The following PTPRD variants were observed in gnomAD, a reference collection of about 807,000 sequenced individuals.
The protein encoded by PTPRD is protein tyrosine phosphatase receptor type D, also known as receptor-type tyrosine-protein phosphatase delta.
In PTPRD, 34 loss-of-function variants were observed where a neutral mutation model predicts 214.5. The ratio of observed to expected loss-of-function variants is 0.16; its 90% CI spans 0.12 to 0.21. The LOEUF (loss-of-function observed/expected upper bound fraction) is 0.21, where lower values mean the gene tolerates loss of function less well. Ranked by LOEUF, PTPRD falls within the 10% of genes least tolerant of loss-of-function variation. PTPRD has a pLI of 1.00. For synonymous variants in PTPRD, 1,128 were observed against 845.7 expected (o/e 1.33, Z -5.79); for missense variants, 2,545 against 2,398.7 (o/e 1.06, Z -1.27).
At chr9:9,485,606 G>A (rs1457312310) in intron 8 of PTPRD, among the ~76,000 whole-genome samples, 1 of 152,048 alleles carries the variant, frequency 6.6e-6, no homozygotes, top group Non-Finnish European at 1.5e-5. Flanking sequence ...GAAATTACGT[G>A]ATCAAATAAG....
chr9:8,568,931 T>C (rs2090265001), intron 14 of PTPRD, among the ~76,000 whole-genome samples: 2 of 152,132 alleles, frequency 1.3e-5, no homozygotes, highest in South Asian at 4.1e-4. Context: ...TAATGCTTCA[T>C]ATGCAGCAAT....
Position 8,526,462 on chromosome 9 carries a change from G to T in PTPRD, c.568+165C>A, listed in dbSNP as rs188581518. Among the ~76,000 whole-genome samples, 799 of 150,272 alleles carry T rather than the reference G, an allele frequency of 5.3e-3. 3 individuals are homozygous for T. Among genetic ancestry groups the T allele is most frequent in the African/African-American group, 0.018 (738 of 40,890 alleles). On this transcript the variant is annotated intron_variant, in intron 17 of 45. Transcript: ENST00000381196. ...AGAGAGAAAGAAAAAGGAAAGGAAA[G>T]TTCACAATATGAGAGTCACTGATCA... is the stretch of plus-strand genomic sequence containing the variant.
intron 11 of PTPRD, among the ~76,000 whole-genome samples, chr9:8,903,549 A>G (rs148529357): frequency 1.3e-3 from 199 of 152,276 alleles, no homozygotes; most frequent in African/African-American, 4.6e-3. Flanking sequence ...AAAATTTTCA[A>G]CAACAAGGAT....
At chr9:10,360,919 G>A (rs1258210865) in intron 2 of PTPRD, among the ~76,000 whole-genome samples, 4 of 152,040 alleles carry the variant, frequency 2.6e-5, no homozygotes, top group Admixed American at 2.0e-4. Context: ...TGGCTAACAC[G>A]ATGAAACCCC....
chr9:8,645,029 G>C (rs1165581422), intron 12 of PTPRD, among the ~76,000 whole-genome samples: 1 of 152,180 alleles, frequency 6.6e-6, no homozygotes, highest in African/African-American at 2.4e-5. Context: ...CAAATTACAA[G>C]CTAGAAAATT....
intron 2 of PTPRD, among the ~76,000 whole-genome samples, chr9:10,578,652 T>G (rs1371563589): frequency 6.6e-6 from 1 of 152,164 alleles, no homozygotes; most frequent in Non-Finnish European, 1.5e-5. Flanking sequence ...AATTGAGATT[T>G]TGTCATGCCC....
chr9:8,331,500 G>T (rs1841029978), intron 44 of PTPRD, 82 bp downstream of exon 44: 2 of 1,488,902 alleles, frequency 1.3e-6, no homozygotes, highest in Admixed American at 2.0e-5. Flanking sequence ...TTTCAAATAA[G>T]CAAACTTACT....
intron 39 of PTPRD, among the ~76,000 whole-genome samples, chr9:8,350,440 T>C (rs2075128690): frequency 6.6e-6 from 1 of 152,200 alleles, no homozygotes; most frequent in Non-Finnish European, 1.5e-5. Context: ...TCACCTATCA[T>C]AATGGTATAT....
intron 10 of PTPRD, among the ~76,000 whole-genome samples, chr9:9,164,856 A>AAAAC (rs1400700788): frequency 4.0e-5 from 1 of 24,812 alleles, no homozygotes; most frequent in African/African-American, 7.4e-5. Context: ...CTACTAAAAC[A>AAAAC]AAACAAAACA....
chr9:10,128,728 G>A (rs371494022), intron 3 of PTPRD, among the ~76,000 whole-genome samples: 22 of 152,180 alleles, frequency 1.4e-4, no homozygotes, highest in South Asian at 8.3e-4. Flanking sequence ...CTCCCTCACC[G>A]TTAAGAACTA....
intron 11 of PTPRD, among the ~76,000 whole-genome samples, chr9:9,003,729 T>C (rs2099436044): frequency 6.6e-6 from 1 of 152,062 alleles, no homozygotes; most frequent in Non-Finnish European, 1.5e-5. Flanking sequence ...TTCTCCTTAA[T>C]GCCCATTCTG....
chr9:10,135,817 C>A (rs991980359), intron 3 of PTPRD, among the ~76,000 whole-genome samples: 1 of 151,758 alleles, frequency 6.6e-6, no homozygotes, highest in Non-Finnish European at 1.5e-5. Flanking sequence ...AGCAACTACA[C>A]AATTAAGTCT....
chr9:9,660,260 G>GT (rs1277090032), intron 7 of PTPRD, among the ~76,000 whole-genome samples: 1 of 151,974 alleles, frequency 6.6e-6, no homozygotes, highest in Non-Finnish European at 1.5e-5. Context: ...GAGGTTGAGA[G>GT]TGGAGGACTG....
At chr9:9,523,286 T>G (rs1450632585) in intron 8 of PTPRD, among the ~76,000 whole-genome samples, 1 of 152,166 alleles carries the variant, frequency 6.6e-6, no homozygotes, top group Non-Finnish European at 1.5e-5. Flanking sequence ...GACTGATATC[T>G]TCCTGTACAC....
intron 9 of PTPRD, among the ~76,000 whole-genome samples, chr9:9,356,904 T>A (rs374087759): frequency 6.6e-6 from 1 of 151,348 alleles, no homozygotes; most frequent in East Asian, 1.9e-4. Context: ...TTGCTACCAG[T>A]GAGGCAGCAG....
intron 2 of PTPRD, among the ~76,000 whole-genome samples, chr9:10,454,419 T>A (rs535939221): frequency 6.6e-6 from 1 of 151,594 alleles, no homozygotes; most frequent in African/African-American, 2.4e-5. Flanking sequence ...AATACTTTTT[T>A]TAAAAAACTG....
chr9:9,037,822 T>A (rs919766578), intron 10 of PTPRD, among the ~76,000 whole-genome samples: 5 of 152,126 alleles, frequency 3.3e-5, no homozygotes, highest in African/African-American at 4.8e-5. Flanking sequence ...AGGGTCTTAT[T>A]TCAGGGCACC....
intron 3 of PTPRD, among the ~76,000 whole-genome samples, chr9:10,125,506 G>A (rs560070589): frequency 1.4e-5 from 2 of 148,070 alleles, no homozygotes; most frequent in South Asian, 4.2e-4. Context: ...CCAGGTTGTA[G>A]TGCAGTGGCG....
At chr9:10,566,950 C>G (rs2065821552) in intron 2 of PTPRD, among the ~76,000 whole-genome samples, 4 of 152,068 alleles carry the variant, frequency 2.6e-5, no homozygotes, top group African/African-American at 4.8e-5. Context: ...ACCTCTCACT[C>G]AATATTTAGG....
Sources: gnomAD v4.1 joint callset for allele counts (sites outside exome capture counted in the v4.1 genomes callset) on GRCh38, gnomAD v4.1.1 for gene constraint, MANE v1.5 for transcripts, NCBI Gene and HGNC (gene_info 2026-07-23, HGNC 2026-07-21) for gene names.